The following PALLD variants were observed in gnomAD, a reference collection of about 807,000 sequenced individuals.
The protein encoded by PALLD is palladin, cytoskeletal associated protein.
A neutral mutation model predicts 123.5 loss-of-function variants in PALLD; 61 were observed. The ratio of observed to expected loss-of-function variants is 0.49; its 90% confidence interval spans 0.40 to 0.61. PALLD has a LOEUF of 0.61. Among genes scored for constraint, PALLD ranks in the 20% least tolerant of loss-of-function variants. The pLI is 0.00. For synonymous variants in PALLD, 465 were observed against 496.4 expected, an observed-to-expected ratio of 0.94 and a Z score of 0.84; for missense variants, 1,273 against 1,377.0, an observed-to-expected ratio of 0.92 and a Z score of 1.20.
At position 168,823,800 on chromosome 4, in the gene PALLD, G is replaced by A. The variant is rs909395511; in HGVS notation, c.1965-67122G>A. 7.9e-5 allele frequency among the ~76,000 whole-genome samples: 12 copies of A among 152,194 alleles called. 1 individual carries two copies. The highest frequency in any genetic ancestry group is 4.4e-5 in the Non-Finnish European group (3 of 68,032). On this transcript the variant is annotated intron_variant, in intron 10 of 21. Transcript: ENST00000505667. Reference sequence around the variant, plus strand: ...GGGCCTTCGTTCATAATATGACAACGAAGCAGGTGACTGAATCAAAAATTA... The same window carrying A: ...GGGCCTTCGTTCATAATATGACAACAAAGCAGGTGACTGAATCAAAAATTA...
chr4:168,848,858 G>A (rs1747300330), intron 10 of PALLD, among the ~76,000 whole-genome samples: 3 of 152,112 alleles, frequency 2.0e-5, no homozygotes, highest in Admixed American at 1.3e-4. Context: ...ATAATTTCAA[G>A]ATGTTCATTC....
At chr4:168,709,567 GAA>G (rs1281702818) in intron 9 of PALLD, among the ~76,000 whole-genome samples, 40 of 752 alleles carry the variant, frequency 0.053, 2 homozygotes, top group Non-Finnish European at 0.1. Flanking sequence ...AGGAAGGAAG[GAA>G]GGAAGGAAGG....
chr4:168,637,771 C>T (rs1776491960), intron 2 of PALLD, among the ~76,000 whole-genome samples: 1 of 151,948 alleles, frequency 6.6e-6, no homozygotes, highest in Admixed American at 6.6e-5. Context: ...TGGCGAAACC[C>T]CATCTGTACT....
At chr4:168,902,536 G>A (rs894577951) in intron 14 of PALLD, among the ~76,000 whole-genome samples, 10 of 152,050 alleles carry the variant, frequency 6.6e-5, no homozygotes, top group Non-Finnish European at 1.3e-4. Flanking sequence ...CAGCTACTCT[G>A]GAGGCTGAGG....
chr4:168,884,867 C>T (rs1753118739), intron 10 of PALLD, among the ~76,000 whole-genome samples: 1 of 152,194 alleles, frequency 6.6e-6, no homozygotes, highest in Non-Finnish European at 1.5e-5. Context: ...TCCACTCTTA[C>T]TACACCAGGC....
chr4:168,564,056 G>T (rs1366741634), intron 2 of PALLD, among the ~76,000 whole-genome samples: 4 of 152,160 alleles, frequency 2.6e-5, no homozygotes, highest in Non-Finnish European at 5.9e-5. Context: ...CCACATGGAA[G>T]AAAATCTCTC....
chr4:168,898,741 A>G (rs746385080), intron 14 of PALLD, 27 bp downstream of exon 14: 2 of 1,460,528 alleles, frequency 1.4e-6, no homozygotes, highest in Non-Finnish European at 9.6e-7. Flanking sequence ...AGGCTTTTTA[A>G]GAGTCATTCT....
At chr4:168,587,248 A>G (rs1443143932) in intron 2 of PALLD, among the ~76,000 whole-genome samples, 1 of 152,206 alleles carries the variant, frequency 6.6e-6, no homozygotes, top group African/African-American at 2.4e-5. Context: ...GGATTTGGAA[A>G]ATTCTGGCAT....
rs143949594 is a variant in PALLD at position 168,500,614 on chromosome 4, G to A, written c.-83+3420G>A. ...TGGTATTGAACTCCTGGGCTCAAGC[G>A]ATCTTCCTGCCTCAGCCTCCAACAG... On this transcript the variant is annotated intron_variant, in intron 1 of 21. Coordinates refer to ENST00000505667, the MANE Select transcript of PALLD (RefSeq NM_001166108.2). Among the ~76,000 whole-genome samples the A allele has an allele frequency of 3.1e-3, 471 of 152,152 alleles. 3 individuals are homozygous for A. The highest frequency in any genetic ancestry group is 0.011 in the African/African-American group (444 of 41,504).
At chr4:168,736,304 T>TAC in intron 10 of PALLD, among the ~76,000 whole-genome samples, 1 of 152,062 alleles carries the variant, frequency 6.6e-6, no homozygotes, top group African/African-American at 2.4e-5. Flanking sequence ...ACACACACAG[T>TAC]GTGTATGTAT....
At chr4:168,596,465 A>G (rs1384920651) in intron 2 of PALLD, among the ~76,000 whole-genome samples, 1 of 152,148 alleles carries the variant, frequency 6.6e-6, no homozygotes, top group East Asian at 1.9e-4. Context: ...GTTTCTATGT[A>G]GGGAACTCTT....
intron 10 of PALLD, among the ~76,000 whole-genome samples, chr4:168,737,079 T>A (rs1020478873): frequency 6.6e-6 from 1 of 152,236 alleles, no homozygotes; most frequent in African/African-American, 2.4e-5. Context: ...ATTGCTATAA[T>A]GTATTACATT....
At chr4:168,553,066 A>G (rs11132314) in intron 2 of PALLD, among the ~76,000 whole-genome samples, 17,836 of 152,156 alleles carry the variant, frequency 0.12, 1,427 homozygotes, top group Non-Finnish European at 0.17. Flanking sequence ...ACAACCCTAT[A>G]AGATAAATCT....
intron 8 of PALLD, among the ~76,000 whole-genome samples, chr4:168,692,595 C>T (rs1322085114): frequency 3.3e-5 from 5 of 152,182 alleles, no homozygotes; most frequent in African/African-American, 9.7e-5. Context: ...CTATTTTAAA[C>T]AACTTTAGAT....
At chr4:168,693,041 C>A (rs1356183387) in intron 8 of PALLD, among the ~76,000 whole-genome samples, 2 of 152,118 alleles carry the variant, frequency 1.3e-5, no homozygotes, top group Non-Finnish European at 2.9e-5. Flanking sequence ...GGAAACATCT[C>A]CCCCGCACCC....
intron 10 of PALLD, among the ~76,000 whole-genome samples, chr4:168,801,704 G>C (rs913712811): frequency 6.6e-6 from 1 of 152,204 alleles, no homozygotes; most frequent in African/African-American, 2.4e-5. Context: ...CCACACCCAA[G>C]TAAAGTAATT....
At chr4:168,835,248 C>T (rs1015299997) in intron 10 of PALLD, among the ~76,000 whole-genome samples, 18 of 152,178 alleles carry the variant, frequency 1.2e-4, no homozygotes, top group African/African-American at 3.6e-4. Context: ...TCACAATTCA[C>T]TATACTTCAA....
At chr4:168,781,440 A>T (rs1264102638) in intron 10 of PALLD, among the ~76,000 whole-genome samples, 1 of 152,254 alleles carries the variant, frequency 6.6e-6, no homozygotes, top group African/African-American at 2.4e-5. Context: ...ACAGTTGCTC[A>T]GCATGGCTGG....
chr4:168,926,266 G>T lies in PALLD; in HGVS notation c.*86G>T. 6.5e-7 allele frequency: 1 copy of T among 1,537,002 alleles called. No individual in the cohort carries two copies. The highest frequency in any genetic ancestry group is 1.2e-5 in the South Asian group (1 of 84,022). ...CAAGCCAAAAAAAGTACGGCCCTCA[G>T]CCAGTCGCTATGCAGCACTTTCGGA... On this transcript the variant is annotated 3_prime_UTR_variant, in exon 22 of 22. Transcript: ENST00000505667.
Sources: allele counts gnomAD v4.1 joint callset (sites outside exome capture counted in the v4.1 genomes callset), GRCh38; gene constraint gnomAD v4.1.1; transcripts MANE v1.5; gene names NCBI Gene and HGNC (gene_info 2026-07-23, HGNC 2026-07-21).